The following DLG2 variants were observed in gnomAD, a reference collection of about 807,000 sequenced individuals.
The protein encoded by DLG2 is discs large MAGUK scaffold protein 2, also known as disks large homolog 2.
Under a neutral mutation model 132.5 loss-of-function variants are expected in DLG2, and 45 were observed. The ratio of observed to expected loss-of-function variants is 0.34; its 90% confidence interval spans 0.27 to 0.44. DLG2 has a LOEUF of 0.44. DLG2 is among the 20% of genes least tolerant of loss of function. The pLI is 1.00. For missense variants in DLG2, 1,045 were observed against 1,196.9 expected (o/e 0.87, Z 1.87); for synonymous variants, 424 against 419.6 (o/e 1.01, Z -0.13).
intron 17 of DLG2, among the ~76,000 whole-genome samples, chr11:83,826,308 G>A (rs541942210): frequency 3.9e-5 from 6 of 152,324 alleles, no homozygotes; most frequent in African/African-American, 1.2e-4. Flanking sequence ...GGGCTCTGAA[G>A]CCAAGGCTGA....
At chr11:83,673,723 T>C (rs1433613393) in intron 18 of DLG2, among the ~76,000 whole-genome samples, 8 of 152,224 alleles carry the variant, frequency 5.3e-5, no homozygotes, top group Non-Finnish European at 1.2e-4. Context: ...CCTGCTACTT[T>C]CCAACTGTGT....
intron 6 of DLG2, among the ~76,000 whole-genome samples, chr11:84,802,968 T>A (rs2075592710): frequency 6.6e-6 from 1 of 151,938 alleles, no homozygotes; most frequent in Admixed American, 6.6e-5. Context: ...CCTGGCTAAT[T>A]TTTTGTATTT....
At chr11:84,464,730 G>A (rs867356902) in intron 7 of DLG2, among the ~76,000 whole-genome samples, 1 of 150,956 alleles carries the variant, frequency 6.6e-6, no homozygotes, top group African/African-American at 2.4e-5. Context: ...TAGTGGACTT[G>A]AATAAGCTTC....
chr11:84,996,594 A>G (rs1429653936), intron 6 of DLG2, among the ~76,000 whole-genome samples: 2 of 152,154 alleles, frequency 1.3e-5, no homozygotes, highest in East Asian at 1.9e-4. Context: ...TTATCTTTTT[A>G]TAATGTCCTA....
intron 18 of DLG2, among the ~76,000 whole-genome samples, chr11:83,734,602 T>C (rs2091627700): frequency 6.6e-6 from 1 of 152,010 alleles, no homozygotes; most frequent in African/African-American, 2.4e-5. Context: ...AGGCACAGGC[T>C]ACAATGCCAG....
At chr11:85,582,907 A>G (rs1347017522) in intron 3 of DLG2, among the ~76,000 whole-genome samples, 1 of 149,072 alleles carries the variant, frequency 6.7e-6, no homozygotes, top group African/African-American at 2.5e-5. Flanking sequence ...GGCTCTAGGT[A>G]CATTAGATGA....
chr11:83,716,471 TA>T (rs1286950618), intron 18 of DLG2, among the ~76,000 whole-genome samples: 1 of 152,214 alleles, frequency 6.6e-6, no homozygotes, highest in African/African-American at 2.4e-5. Context: ...GAACTAGTGA[TA>T]AAAATTGACA....
chr11:83,900,858 C>T (rs2073206623), intron 15 of DLG2, among the ~76,000 whole-genome samples: 1 of 152,130 alleles, frequency 6.6e-6, no homozygotes, highest in African/African-American at 2.4e-5. Context: ...TGACAGCTTG[C>T]ACTGTGTGCC....
chr11:85,510,511 A>G (rs1449230711), intron 3 of DLG2, among the ~76,000 whole-genome samples: 3 of 152,166 alleles, frequency 2.0e-5, no homozygotes, highest in African/African-American at 7.2e-5. Context: ...AATGAACTCA[A>G]ACAAATTTAC....
chr11:84,143,321 A>G (rs929717143), intron 9 of DLG2, among the ~76,000 whole-genome samples: 9 of 152,156 alleles, frequency 5.9e-5, no homozygotes, highest in African/African-American at 2.2e-4. Context: ...TTTGAATGAT[A>G]AGAAGAAGTT....
intron 3 of DLG2, among the ~76,000 whole-genome samples, chr11:85,513,394 T>C (rs149355666): frequency 2.0e-5 from 3 of 151,888 alleles, no homozygotes; most frequent in Middle Eastern, 3.4e-3. Flanking sequence ...AGAAAAAAGG[T>C]AAACATTATG....
chr11:85,393,872 A>G (rs1358220341), intron 3 of DLG2, among the ~76,000 whole-genome samples: 1 of 152,150 alleles, frequency 6.6e-6, no homozygotes, highest in Non-Finnish European at 1.5e-5. Context: ...ATGCAAAGGC[A>G]TAAAAGTGAT....
rs114232180 is a variant in DLG2 at position 83,585,380 on chromosome 11, G to A, written c.1941-43522C>T. Among the ~76,000 whole-genome samples the A allele has an allele frequency of 3.1e-3, 473 of 152,168 alleles. 2 individuals are homozygous for A. Among genetic ancestry groups the A allele is most frequent in the African/African-American group, 0.011 (454 of 41,508 alleles). On this transcript the variant is annotated intron_variant, in intron 19 of 27. Transcript: ENST00000376104. ...CAACCCTCTCTGCTACTTTTGGCCC[G>A]TTTATAAAGAGATAGCTTGTGTAGC...
At chr11:83,510,575 G>C (rs1389532115) in intron 21 of DLG2, among the ~76,000 whole-genome samples, 4 of 152,154 alleles carry the variant, frequency 2.6e-5, no homozygotes, top group Admixed American at 6.5e-5. Flanking sequence ...CGGGGATTAG[G>C]ACTCTCGCTA....
chr11:84,569,749 A>T (rs1262611469), intron 6 of DLG2, among the ~76,000 whole-genome samples: 10 of 152,152 alleles, frequency 6.6e-5, no homozygotes, highest in African/African-American at 2.4e-4. Flanking sequence ...CCTTTACCCA[A>T]TTTCTTTTTG....
intron 6 of DLG2, among the ~76,000 whole-genome samples, chr11:84,758,298 A>C (rs2067161281): frequency 6.6e-6 from 1 of 152,252 alleles, no homozygotes; most frequent in Non-Finnish European, 1.5e-5. Context: ...GATTTTTTAC[A>C]GGCAGCTGTA....
chr11:84,597,723 C>T (rs746476361), intron 6 of DLG2, among the ~76,000 whole-genome samples: 3 of 152,072 alleles, frequency 2.0e-5, no homozygotes, highest in Non-Finnish European at 4.4e-5. Context: ...GGGTGGATTG[C>T]ACTGATATCA....
At chr11:85,128,133 T>C (rs191907535) in intron 5 of DLG2, among the ~76,000 whole-genome samples, 42 of 152,322 alleles carry the variant, frequency 2.8e-4, no homozygotes, top group African/African-American at 9.6e-4. Context: ...TAACCTGTTA[T>C]ACATAATAAA....
chr11:85,570,310 A>G (rs1198631807), intron 3 of DLG2, among the ~76,000 whole-genome samples: 1 of 152,146 alleles, frequency 6.6e-6, no homozygotes, highest in East Asian at 1.9e-4. Flanking sequence ...GGTATAATCT[A>G]TGGTCTATCC....
Sources: allele counts gnomAD v4.1 joint callset (sites outside exome capture counted in the v4.1 genomes callset), GRCh38; gene constraint gnomAD v4.1.1; transcripts MANE v1.5; gene names NCBI Gene and HGNC (gene_info 2026-07-23, HGNC 2026-07-21).